Variants in GRM8 observed in about 807,000 individuals in gnomAD.
GRM8 encodes the protein metabotropic glutamate receptor 8.
GRM8 carries 47 observed loss-of-function variants against 87.2 expected under a neutral mutation model. The ratio of observed to expected loss-of-function variants is 0.54; its 90% confidence interval spans 0.43 to 0.69. The LOEUF (loss-of-function observed/expected upper bound fraction) is 0.69, where lower values mean the gene tolerates loss of function less well. GRM8 is among the 30% of genes least tolerant of loss of function. The pLI is 0.00. For missense variants in GRM8, 1,019 were observed against 1,139.2 expected, an observed-to-expected ratio of 0.89 and a Z score of 1.52; for synonymous variants, 396 against 404.5, an observed-to-expected ratio of 0.98 and a Z score of 0.25.
At chr7:126,957,038 T>C (rs1196033641) in intron 3 of GRM8, among the ~76,000 whole-genome samples, 1 of 152,144 alleles carries the variant, frequency 6.6e-6, no homozygotes. Context: ...GACCACGGTG[T>C]GAACACTTTT....
chr7:127,157,406 G>A (rs1412363624), intron 2 of GRM8, among the ~76,000 whole-genome samples: 1 of 151,792 alleles, frequency 6.6e-6, no homozygotes, highest in Non-Finnish European at 1.5e-5. Flanking sequence ...TGAATTCTAT[G>A]GACTCATTCT....
chr7:126,614,569 CTTCTCT>C (rs1799249444), intron 7 of GRM8, among the ~76,000 whole-genome samples: 1 of 152,154 alleles, frequency 6.6e-6, no homozygotes, highest in Non-Finnish European at 1.5e-5. Context: ...GATGATCAAA[CTTCTCT>C]GAGCTAAAGG....
chr7:126,743,011 T>C (rs1233151038), intron 7 of GRM8, among the ~76,000 whole-genome samples: 1 of 152,090 alleles, frequency 6.6e-6, no homozygotes, highest in Non-Finnish European at 1.5e-5. Context: ...AACACAAATT[T>C]GTTGAAATCA....
At chr7:126,506,725 G>A (rs1810527541) in intron 9 of GRM8, among the ~76,000 whole-genome samples, 1 of 151,794 alleles carries the variant, frequency 6.6e-6, no homozygotes, top group Non-Finnish European at 1.5e-5. Flanking sequence ...GTTGCCGAGA[G>A]CTGAGATCAC....
At chr7:126,532,810 TATA>T (rs1815062702) in intron 9 of GRM8, 139 bp downstream of exon 9, 1 of 153,880 alleles carries the variant, frequency 6.5e-6, no homozygotes, top group Non-Finnish European at 1.2e-5. Context: ...TATATATATA[TATA>T]TATGCATGCT....
intron 8 of GRM8, among the ~76,000 whole-genome samples, chr7:126,584,381 T>C (rs1252310257): frequency 2.0e-5 from 3 of 152,094 alleles, no homozygotes. Flanking sequence ...CACGCCACCA[T>C]GCCCGACTAA....
In GRM8 at chr7:126,637,214, A is replaced by G. The variant is rs1384407005; in HGVS notation, c.1358-27716T>C. On this transcript the variant is annotated intron_variant, in intron 7 of 10. Transcript: ENST00000339582. ...GCTCGAAGGAGTCATGACACCAGAA[A>G]TCTATTTTTGAAATAGTCATACAAT... Among the ~76,000 whole-genome samples the G allele has an allele frequency of 2.0e-5, 3 of 152,096 alleles. No individual in the cohort carries two copies. In the East Asian group the frequency reaches 5.8e-4, roughly 29 times the overall value.
chr7:126,826,676 C>T (rs1794835548), intron 6 of GRM8, among the ~76,000 whole-genome samples: 1 of 152,106 alleles, frequency 6.6e-6, no homozygotes, highest in African/African-American at 2.4e-5. Flanking sequence ...TGCCTGTTCA[C>T]TCTGATGGTA....
chr7:127,028,076 A>G (rs772765078), intron 3 of GRM8, among the ~76,000 whole-genome samples: 8 of 152,144 alleles, frequency 5.3e-5, no homozygotes, highest in Non-Finnish European at 1.2e-4. Context: ...TTCTGCATCT[A>G]CTGAGATAAT....
At chr7:126,743,463 T>C (rs980002559) in intron 7 of GRM8, among the ~76,000 whole-genome samples, 1 of 152,064 alleles carries the variant, frequency 6.6e-6, no homozygotes, top group Admixed American at 6.6e-5. Flanking sequence ...CTATACTAAA[T>C]TATATTTCAA....
intron 8 of GRM8, among the ~76,000 whole-genome samples, chr7:126,563,481 A>T (rs1162152291): frequency 2.0e-5 from 3 of 152,156 alleles, no homozygotes; most frequent in African/African-American, 7.2e-5. Flanking sequence ...TTACATTCTA[A>T]GAGGAGTCAG....
At chr7:127,206,151 C>A (rs1424668008) in intron 2 of GRM8, among the ~76,000 whole-genome samples, 1 of 152,188 alleles carries the variant, frequency 6.6e-6, no homozygotes, top group Non-Finnish European at 1.5e-5. Flanking sequence ...CAGGCTCTTC[C>A]TCAACCTCTA....
Position 127,053,668 on chromosome 7 carries a change from G to A in GRM8, c.727+52828C>T, listed in dbSNP as rs62468874. Among the ~76,000 whole-genome samples, 632 of 150,846 alleles carry A rather than the reference G, an allele frequency of 4.2e-3. 9 individuals carry two copies. Among genetic ancestry groups the A allele is most frequent in the Non-Finnish European group, 3.8e-3 (258 of 67,652 alleles). ...CTAGGCGTAGTGGCGGGTGCCTGTA[G>A]TTCCAGCTACTCAGGAGGCTGAGGC... On this transcript the variant is annotated intron_variant, in intron 3 of 10. Coordinates refer to ENST00000339582, the MANE Select transcript of GRM8 (RefSeq NM_000845.3).
chr7:126,794,081 G>C (rs774911410), intron 6 of GRM8, among the ~76,000 whole-genome samples: 1 of 151,524 alleles, frequency 6.6e-6, no homozygotes, highest in Non-Finnish European at 1.5e-5. Flanking sequence ...GAAAAATATC[G>C]ATTTGAAACT....
intron 3 of GRM8, among the ~76,000 whole-genome samples, chr7:126,928,836 A>G (rs1295402876): frequency 6.6e-6 from 1 of 152,248 alleles, no homozygotes; most frequent in Non-Finnish European, 1.5e-5. Context: ...AGGAACTACA[A>G]AACTATTTTA....
At chr7:126,807,978 A>AT (rs1358337477) in intron 6 of GRM8, among the ~76,000 whole-genome samples, 1 of 152,170 alleles carries the variant, frequency 6.6e-6, no homozygotes, top group African/African-American at 2.4e-5. Context: ...GGAGACCTAG[A>AT]TGATCCCTCT....
intron 3 of GRM8, among the ~76,000 whole-genome samples, chr7:126,963,274 T>C (rs1809498829): frequency 6.6e-6 from 1 of 152,228 alleles, no homozygotes; most frequent in Non-Finnish European, 1.5e-5. Context: ...CATACAATCA[T>C]CAGTTTATTT....
At chr7:126,744,275 T>C (rs891024641) in intron 7 of GRM8, among the ~76,000 whole-genome samples, 53 of 152,162 alleles carry the variant, frequency 3.5e-4, no homozygotes, top group African/African-American at 1.3e-3. Context: ...ATATAAACCA[T>C]GGTTATTAAG....
chr7:126,913,974 T>G (rs1463359758), intron 3 of GRM8, among the ~76,000 whole-genome samples: 1 of 152,240 alleles, frequency 6.6e-6, no homozygotes, highest in Non-Finnish European at 1.5e-5. Flanking sequence ...TCAAACATTT[T>G]ATACTTTTTC....
Sources: allele counts gnomAD v4.1 joint callset (sites outside exome capture counted in the v4.1 genomes callset), GRCh38; gene constraint gnomAD v4.1.1; transcripts MANE v1.5; gene names NCBI Gene and HGNC (gene_info 2026-07-23, HGNC 2026-07-21).